The following FOXP1 variants were observed in gnomAD, a reference collection of about 807,000 sequenced individuals.
The protein encoded by FOXP1 is forkhead box protein P1.
Under a neutral mutation model 98.2 loss-of-function variants are expected in FOXP1, and 15 were observed. That is an observed-to-expected ratio of 0.15 (90% confidence interval 0.10 to 0.24). The LOEUF is 0.24. FOXP1 is among the 10% of genes least tolerant of loss of function. FOXP1 has a pLI of 1.00. For synonymous variants in FOXP1, 371 were observed against 314.5 expected (o/e 1.18, Z -1.90); for missense variants, 633 against 848.5 (o/e 0.75, Z 3.15).
At position 71,443,877 on chromosome 3, in the gene FOXP1, C is replaced by T. The variant is rs551322656; in HGVS notation, c.-168+49549G>A. Among the ~76,000 whole-genome samples the T allele has an allele frequency of 2.3e-4, 35 of 152,264 alleles. No homozygotes were observed. The East Asian group carries it at 3.5e-3, about 15-fold the overall frequency. On this transcript the variant is annotated intron_variant, in intron 3 of 20. Coordinates refer to ENST00000649528, the MANE Select transcript of FOXP1 (RefSeq NM_001349338.3). ...GAATATACCAAAATAACCTCTTCAA[C>T]AGAATACTATTTCCCCTTTTACCCT...
At chr3:71,327,901 G>A (rs1229935773) in intron 4 of FOXP1, among the ~76,000 whole-genome samples, 1 of 152,124 alleles carries the variant, frequency 6.6e-6, no homozygotes, top group Admixed American at 6.6e-5. Flanking sequence ...TTACCCAGAA[G>A]TGGCAACATT....
chr3:71,174,492 C>T (rs1576202866), intron 6 of FOXP1, among the ~76,000 whole-genome samples: 1 of 152,076 alleles, frequency 6.6e-6, no homozygotes, highest in African/African-American at 2.4e-5. Flanking sequence ...CACACATACC[C>T]TATGTATGAA....
intron 2 of FOXP1, among the ~76,000 whole-genome samples, chr3:71,495,119 C>G (rs1165020104): frequency 6.6e-6 from 1 of 152,132 alleles, no homozygotes; most frequent in Non-Finnish European, 1.5e-5. Flanking sequence ...CAGTGGTCCT[C>G]CTTTTGTTTC....
At chr3:71,020,972 T>C (rs2045344515) in intron 11 of FOXP1, among the ~76,000 whole-genome samples, 1 of 152,220 alleles carries the variant, frequency 6.6e-6, no homozygotes, top group Non-Finnish European at 1.5e-5. Flanking sequence ...TGTTATTTGA[T>C]AAATTAAATT....
intron 19 of FOXP1, among the ~76,000 whole-genome samples, chr3:70,967,332 G>T (rs899314963): frequency 3.3e-5 from 5 of 152,156 alleles, no homozygotes; most frequent in African/African-American, 1.2e-4. Flanking sequence ...GGCTTTCTAG[G>T]TACAAGCCCT....
intron 3 of FOXP1, among the ~76,000 whole-genome samples, chr3:71,427,496 G>C (rs59064192): frequency 0.017 from 2,561 of 152,304 alleles, 77 homozygotes; most frequent in African/African-American, 0.059. Flanking sequence ...CGGATGCCGG[G>C]CTAGGGAGCC....
chr3:71,397,888 T>C (rs1482710524), intron 3 of FOXP1, among the ~76,000 whole-genome samples: 3 of 152,056 alleles, frequency 2.0e-5, no homozygotes, highest in Non-Finnish European at 4.4e-5. Context: ...GTTCTCCGTA[T>C]AACATTTTAC....
At chr3:71,053,459 T>C (rs2050183548) in intron 8 of FOXP1, among the ~76,000 whole-genome samples, 177 bp downstream of exon 8, 1 of 152,134 alleles carries the variant, frequency 6.6e-6, no homozygotes, top group African/African-American at 2.4e-5. Context: ...TCCTCTCTTT[T>C]GGGCATGCAA....
chr3:71,560,189 ACG>A (rs200297437), intron 2 of FOXP1, among the ~76,000 whole-genome samples: 1,805 of 152,306 alleles, frequency 0.012, 20 homozygotes, highest in Non-Finnish European at 0.018. Context: ...AGAAAAAATA[ACG>A]GTGCTCCATA....
At chr3:71,538,266 TAA>T (rs1465945225) in intron 2 of FOXP1, among the ~76,000 whole-genome samples, 2 of 152,194 alleles carry the variant, frequency 1.3e-5, no homozygotes, top group African/African-American at 2.4e-5. Flanking sequence ...CACCACAATA[TAA>T]GTTAGAAGAT....
At chr3:71,495,569 T>G (rs1212067528) in intron 2 of FOXP1, among the ~76,000 whole-genome samples, 2 of 152,240 alleles carry the variant, frequency 1.3e-5, no homozygotes, top group African/African-American at 4.8e-5. Context: ...AAACTCATTA[T>G]GTACTGGGTA....
intron 3 of FOXP1, among the ~76,000 whole-genome samples, chr3:71,433,614 T>C (rs1002659619): frequency 5.9e-5 from 9 of 152,310 alleles, no homozygotes; most frequent in East Asian, 3.9e-4. Context: ...GTGCATGCTA[T>C]ACAAACAGAA....
intron 3 of FOXP1, among the ~76,000 whole-genome samples, chr3:71,422,881 C>A (rs930204576): frequency 1.3e-5 from 2 of 152,158 alleles, no homozygotes; most frequent in African/African-American, 4.8e-5. Context: ...CACACACACA[C>A]ACACTCACAC....
At chr3:71,026,353 G>A (rs1353520538) in intron 11 of FOXP1, among the ~76,000 whole-genome samples, 1 of 152,170 alleles carries the variant, frequency 6.6e-6, no homozygotes, top group Non-Finnish European at 1.5e-5. Context: ...AAAAGTAAAA[G>A]CTCATAAAGT....
At chr3:71,180,789 C>T (rs1035781020) in intron 6 of FOXP1, among the ~76,000 whole-genome samples, 1 of 152,052 alleles carries the variant, frequency 6.6e-6, no homozygotes, top group Non-Finnish European at 1.5e-5. Flanking sequence ...AAGTTATGAG[C>T]CCCAAAGATT....
chr3:71,223,338 T>C (rs1478465276), intron 5 of FOXP1, among the ~76,000 whole-genome samples: 3 of 151,996 alleles, frequency 2.0e-5, no homozygotes, highest in Admixed American at 6.6e-5. Flanking sequence ...ACTTTTTTCC[T>C]ACATTGACCT....
chr3:70,977,032 T>G lies in FOXP1; in HGVS notation c.1439A>C (p.Glu480Ala). The change falls in exon 17 of 21, where the codon GAA (glutamate) becomes GCA (alanine). Residue 480 changes from glutamate (E) to alanine (A), a missense_variant. By Grantham distance (107) the Glu-to-Ala change is moderately radical. Around this residue, in one of 6 missense-constraint regions of FOXP1, gnomAD observed 141 missense variants for 199.5 expected, o/e 0.71. Transcript: ENST00000649528. ...YASLIRQAILESPEKQLTLNE... is the reference protein window; with the variant it reads ...YASLIRQAILASPEKQLTLNE... ...TAGTGTTAGCTGCTTTTCTGGAGAT[T>G]CGAGAATGGCCTGTGAAGCAGAATG... 6.2e-7 allele frequency: 1 copy of G among 1,612,038 alleles called. No homozygotes were observed. The highest frequency in any genetic ancestry group is 1.3e-5 in the African/African-American group (1 of 75,020).
rs1057174526 is a variant in FOXP1 at position 70,964,844 on chromosome 3, C to T, written c.1889+1046G>A. Among the ~76,000 whole-genome samples the T allele has an allele frequency of 3.3e-5, 5 of 152,190 alleles. No homozygotes were observed. The South Asian group carries it at 6.2e-4, about 19-fold the overall frequency. On this transcript the variant is annotated intron_variant, in intron 20 of 20. Coordinates refer to ENST00000649528, the MANE Select transcript of FOXP1 (RefSeq NM_001349338.3). ...AAATCAAATTTCAGATTTCCACGTA[C>T]CCTCCAAATTATGCTGGCAGATAAC...
intron 6 of FOXP1, among the ~76,000 whole-genome samples, chr3:71,170,502 A>G (rs1360464563): frequency 6.6e-6 from 1 of 152,208 alleles, no homozygotes; most frequent in Non-Finnish European, 1.5e-5. Flanking sequence ...GCTTATGTAG[A>G]CAAGTGCACA....
Sources: allele counts gnomAD v4.1 joint callset (sites outside exome capture counted in the v4.1 genomes callset), GRCh38; gene constraint gnomAD v4.1.1; regional missense constraint gnomAD v4.1.1; transcripts MANE v1.5; gene names NCBI Gene and HGNC (gene_info 2026-07-23, HGNC 2026-07-21).